DCDC1: variants seen among roughly 807,000 people sequenced by gnomAD.
The protein encoded by DCDC1 is doublecortin domain containing 1.
DCDC1 carries 200 observed loss-of-function variants against 178.3 expected under a neutral mutation model. The observed-to-expected ratio is 1.12, with a 90% confidence interval of 1.00 to 1.26. The LOEUF is 1.26. DCDC1 is among the 50% of genes most tolerant of loss of function. The probability of loss-of-function intolerance (pLI) is 0.00; values close to 1 mark genes in which losing one functional copy is unlikely to be tolerated. For synonymous variants in DCDC1, 690 were observed against 604.8 expected (o/e 1.14, Z -2.07); for missense variants, 1,983 against 1,749.2 (o/e 1.13, Z -2.38).
intron 9 of DCDC1, among the ~76,000 whole-genome samples, chr11:31,158,887 TC>T (rs1966016835): frequency 6.6e-6 from 1 of 152,112 alleles, no homozygotes; most frequent in Non-Finnish European, 1.5e-5. Flanking sequence ...ACAGTTGCTT[TC>T]CTGAGCATTT....
intron 13 of DCDC1, among the ~76,000 whole-genome samples, chr11:31,104,293 G>A (rs1208276301): frequency 6.6e-6 from 1 of 152,030 alleles, no homozygotes; most frequent in Non-Finnish European, 1.5e-5. Context: ...GGCCACTATT[G>A]TACACTATGA....
intron 9 of DCDC1, among the ~76,000 whole-genome samples, chr11:31,214,425 T>C (rs2554055): frequency 7.0e-4 from 106 of 151,904 alleles, no homozygotes; most frequent in African/African-American, 2.5e-3. Flanking sequence ...TTGATTTTAA[T>C]TTTTTTTTAA....
intron 9 of DCDC1, among the ~76,000 whole-genome samples, chr11:31,230,698 G>T (rs1262886341): frequency 6.6e-6 from 1 of 152,108 alleles, no homozygotes; most frequent in South Asian, 2.1e-4. Flanking sequence ...AGAAAACTGG[G>T]TAACCTTTAC....
chr11:31,087,346 A>G (rs912941915), intron 17 of DCDC1, among the ~76,000 whole-genome samples: 1 of 150,526 alleles, frequency 6.6e-6, no homozygotes, highest in Non-Finnish European at 1.5e-5. Flanking sequence ...TTTTTTTTCT[A>G]TTTTACTGAT....
At chr11:31,133,466 GC>G (rs1269851402) in intron 10 of DCDC1, among the ~76,000 whole-genome samples, 2 of 152,162 alleles carry the variant, frequency 1.3e-5, no homozygotes, top group African/African-American at 4.8e-5. Flanking sequence ...ATTTTAAACT[GC>G]CTAAAATCTC....
At chr11:31,102,317 G>A in intron 14 of DCDC1, 35 bp from the exon 15 acceptor site, 1 of 632,732 alleles carries the variant, frequency 1.6e-6, no homozygotes, top group East Asian at 2.8e-5. Flanking sequence ...ATTTTTATTA[G>A]AATAATATGC....
chr11:31,098,687 T>A (rs1002826115), intron 15 of DCDC1, among the ~76,000 whole-genome samples: 2 of 152,192 alleles, frequency 1.3e-5, no homozygotes, highest in Non-Finnish European at 2.9e-5. Flanking sequence ...CCTATAGATA[T>A]CCATCACCTC....
chr11:31,221,328 C>A (rs1974236951), intron 9 of DCDC1, among the ~76,000 whole-genome samples: 1 of 152,104 alleles, frequency 6.6e-6, no homozygotes, highest in African/African-American at 2.4e-5. Context: ...TTCCAAAATA[C>A]AATAATGGAC....
rs554869425 is a variant in DCDC1 at position 31,094,286 on chromosome 11, T to C, written c.1984-102A>G. The C allele has an allele frequency of 5.7e-5, 38 of 667,680 alleles. No individual in the cohort carries two copies. The East Asian group carries it at 9.0e-4, about 16-fold the overall frequency. The allele number at this position is 667,680 out of a possible 1,614,324, so 41.4% of individuals were successfully genotyped here. ...AGTTATCCTAGAACATTATTTATTC[T>C]GATTGATACCTCTTTTCAAAAAGTA... On this transcript the variant is annotated intron_variant, in intron 15 of 38. Transcript: ENST00000684477.
chr11:31,026,471 T>C (rs964340337), intron 20 of DCDC1, among the ~76,000 whole-genome samples: 2 of 151,846 alleles, frequency 1.3e-5, no homozygotes, highest in Non-Finnish European at 3.0e-5. Context: ...TTTTCTTTTG[T>C]GCGTGCTCAA....
chr11:31,003,317 G>A (rs1951676808), intron 20 of DCDC1, among the ~76,000 whole-genome samples: 1 of 152,030 alleles, frequency 6.6e-6, no homozygotes, highest in Non-Finnish European at 1.5e-5. Context: ...GGGAGTGGGG[G>A]AAGCATTTTA....
chr11:30,897,726 C>T (rs1406822617), intron 34 of DCDC1, among the ~76,000 whole-genome samples: 1 of 152,050 alleles, frequency 6.6e-6, no homozygotes, highest in African/African-American at 2.4e-5. Context: ...TAGAAAACTC[C>T]CTGGAGCGAA....
At chr11:31,000,972 C>G (rs559161052) in intron 20 of DCDC1, among the ~76,000 whole-genome samples, 1 of 152,040 alleles carries the variant, frequency 6.6e-6, no homozygotes, top group Non-Finnish European at 1.5e-5. Flanking sequence ...ATATGCTGAT[C>G]CTTAGCAAAT....
chr11:31,285,028 T>C (rs1946714736), intron 7 of DCDC1, among the ~76,000 whole-genome samples: 1 of 152,184 alleles, frequency 6.6e-6, no homozygotes, highest in African/African-American at 2.4e-5. Context: ...CTGATAATTC[T>C]CATTTGTTTT....
At chr11:31,049,866 C>T (rs1032393738) in intron 20 of DCDC1, among the ~76,000 whole-genome samples, 1 of 152,172 alleles carries the variant, frequency 6.6e-6, no homozygotes, top group African/African-American at 2.4e-5. Context: ...TTGCTGGCTC[C>T]CCAAGCAGCC....
At chr11:30,984,620 G>A (rs956890332) in intron 20 of DCDC1, among the ~76,000 whole-genome samples, 1 of 152,152 alleles carries the variant, frequency 6.6e-6, no homozygotes, top group Non-Finnish European at 1.5e-5. Context: ...CTCAAACAAA[G>A]GTGGGCGTAA....
chr11:30,960,225 G>T (rs1202315817), intron 20 of DCDC1, among the ~76,000 whole-genome samples: 1 of 152,040 alleles, frequency 6.6e-6, no homozygotes, highest in Non-Finnish European at 1.5e-5. Context: ...ATACTTGTAT[G>T]GATATAAAAT....
At chr11:31,332,954 T>C (rs1156892335) in intron 2 of DCDC1, among the ~76,000 whole-genome samples, 1 of 152,214 alleles carries the variant, frequency 6.6e-6, no homozygotes, top group African/African-American at 2.4e-5. Context: ...TTCTGTCTCA[T>C]TGATCTGTCT....
intron 20 of DCDC1, among the ~76,000 whole-genome samples, chr11:31,050,621 C>T (rs761053526): frequency 6.6e-5 from 10 of 152,184 alleles, no homozygotes; most frequent in Non-Finnish European, 1.3e-4. Flanking sequence ...GCCACCTCCA[C>T]CAGAACAGCC....
Sources: allele counts gnomAD v4.1 joint callset (sites outside exome capture counted in the v4.1 genomes callset), GRCh38; gene constraint gnomAD v4.1.1; transcripts MANE v1.5; gene names NCBI Gene and HGNC (gene_info 2026-07-23, HGNC 2026-07-21).